MATN2: variants seen among roughly 807,000 people sequenced by gnomAD.
MATN2 encodes matrilin 2.
Under a neutral mutation model 103.2 loss-of-function variants are expected in MATN2, and 69 were observed. That is an observed-to-expected ratio of 0.67 (90% CI 0.55 to 0.82). The LOEUF (loss-of-function observed/expected upper bound fraction) is 0.82. Among genes scored for constraint, MATN2 ranks in the 40% least tolerant of loss-of-function variants. MATN2 has a pLI of 0.00. For missense variants in MATN2, 1,023 were observed against 1,211.5 expected, an observed-to-expected ratio of 0.84 and a Z score of 2.31; for synonymous variants, 429 against 450.2, an observed-to-expected ratio of 0.95 and a Z score of 0.60.
intron 2 of MATN2, among the ~76,000 whole-genome samples, chr8:97,912,858 C>T (rs1032828931): frequency 3.9e-5 from 6 of 152,168 alleles, no homozygotes; most frequent in African/African-American, 1.2e-4. Context: ...CTGAGGCTGA[C>T]GGAGCCACCA....
At chr8:97,952,600 A>G (rs1200361474) in intron 4 of MATN2, among the ~76,000 whole-genome samples, 2 of 51,708 alleles carry the variant, frequency 3.9e-5, no homozygotes, top group Non-Finnish European at 5.4e-5. Context: ...CTCTGGGGAA[A>G]CTGGTTGGGT....
chr8:97,979,453 G>A (rs111483606), intron 6 of MATN2, among the ~76,000 whole-genome samples: 91 of 152,292 alleles, frequency 6.0e-4, no homozygotes, highest in African/African-American at 2.2e-3. Context: ...AGTTTGCAAA[G>A]AACTGCTCAT....
At chr8:97,953,642 C>T (rs2444880) in intron 4 of MATN2, among the ~76,000 whole-genome samples, 80,044 of 151,934 alleles carry the variant, frequency 0.53, 21,594 homozygotes, top group East Asian at 0.77. Context: ...CAAAATTAGG[C>T]GGGCATGGTG....
At chr8:97,976,720 T>C (rs1296530108) in intron 5 of MATN2, among the ~76,000 whole-genome samples, 2 of 151,830 alleles carry the variant, frequency 1.3e-5, no homozygotes, top group African/African-American at 4.8e-5. Flanking sequence ...GTCTCCCAAG[T>C]AGCTGGGATT....
At chr8:97,900,222 T>TG (rs1220663731) in intron 2 of MATN2, among the ~76,000 whole-genome samples, 1 of 151,974 alleles carries the variant, frequency 6.6e-6, no homozygotes, top group East Asian at 1.9e-4. Context: ...GGGCTAGACA[T>TG]GGGGGAGGAG....
At chr8:98,000,332 C>T (rs1812736084) in intron 7 of MATN2, among the ~76,000 whole-genome samples, 1 of 151,776 alleles carries the variant, frequency 6.6e-6, no homozygotes, top group Admixed American at 6.6e-5. Context: ...GGTGCGGTGG[C>T]TCACGCCTAT....
intron 2 of MATN2, among the ~76,000 whole-genome samples, chr8:97,908,950 T>A (rs1819272590): frequency 6.6e-6 from 1 of 152,036 alleles, no homozygotes. Flanking sequence ...CGCCCCCTTT[T>A]TTTTTTGAGA....
intron 16 of MATN2, 63 bp from the exon 17 acceptor site, chr8:98,032,979 G>C: frequency 6.6e-7 from 1 of 1,515,084 alleles, no homozygotes; most frequent in South Asian, 1.3e-5. Flanking sequence ...TTACTCTGCT[G>C]ATGGCTGTTT....
At chr8:98,013,726 A>G (rs1235143150) in intron 10 of MATN2, among the ~76,000 whole-genome samples, 3 of 152,150 alleles carry the variant, frequency 2.0e-5, no homozygotes, top group African/African-American at 7.2e-5. Context: ...GCCTTTAAGT[A>G]TTCATACCCT....
At chr8:97,891,169 C>A (rs971030998) in intron 2 of MATN2, among the ~76,000 whole-genome samples, 4 of 152,062 alleles carry the variant, frequency 2.6e-5, no homozygotes, top group Non-Finnish European at 4.4e-5. Flanking sequence ...GTGGAAGAGA[C>A]AGGCATGTGA....
At chr8:97,891,016 C>T (rs555934650) in intron 2 of MATN2, among the ~76,000 whole-genome samples, 1 of 152,156 alleles carries the variant, frequency 6.6e-6, no homozygotes, top group East Asian at 1.9e-4. Context: ...GCTGTTCACT[C>T]GGCAGCCTGT....
chr8:98,034,856 C>A (rs1814178058), intron 18 of MATN2, among the ~76,000 whole-genome samples: 1 of 151,312 alleles, frequency 6.6e-6, no homozygotes, highest in African/African-American at 2.4e-5. Flanking sequence ...ATTCTGGCTC[C>A]TAGAAGTGTG....
chr8:97,896,036 T>C (rs1254947573), intron 2 of MATN2, among the ~76,000 whole-genome samples: 1 of 152,158 alleles, frequency 6.6e-6, no homozygotes. Context: ...GTGTAGACCA[T>C]AGAATGCCCT....
intron 3 of MATN2, among the ~76,000 whole-genome samples, chr8:97,933,405 CATTT>C (rs1156429987): frequency 1.3e-5 from 2 of 152,138 alleles, no homozygotes; most frequent in Non-Finnish European, 2.9e-5. Flanking sequence ...ACAGCTTATT[CATTT>C]GTGTTGGAAA....
intron 6 of MATN2, among the ~76,000 whole-genome samples, chr8:97,988,258 T>A (rs1812274165): frequency 6.8e-6 from 1 of 147,604 alleles, no homozygotes; most frequent in African/African-American, 2.6e-5. Flanking sequence ...TAAACAAGTT[T>A]ATGCCAATAA....
intron 1 of MATN2, among the ~76,000 whole-genome samples, chr8:97,877,333 C>T (rs778814872): frequency 6.6e-5 from 10 of 151,696 alleles, no homozygotes; most frequent in Non-Finnish European, 1.2e-4. Context: ...CAAAATTAGC[C>T]GGGCATGGTG....
chr8:97,942,003 C>T, intron 4 of MATN2, 104 bp downstream of exon 4: 1 of 1,389,722 alleles, frequency 7.2e-7, no homozygotes, highest in South Asian at 1.2e-5. Context: ...CTCACCCACC[C>T]CAGTTATCAT....
At chr8:97,937,700 T>C (rs775751895) in intron 3 of MATN2, among the ~76,000 whole-genome samples, 3 of 147,958 alleles carry the variant, frequency 2.0e-5, no homozygotes, top group Non-Finnish European at 4.4e-5. Flanking sequence ...GCAATTCTCC[T>C]GCCTCAGCCT....
chr8:97,973,557 T>C (rs957328919), intron 5 of MATN2, among the ~76,000 whole-genome samples: 2 of 148,548 alleles, frequency 1.3e-5, no homozygotes, highest in African/African-American at 5.0e-5. Flanking sequence ...GAAAAAAGTA[T>C]GATATTTACA....
Sources: gnomAD v4.1 joint callset for allele counts (sites outside exome capture counted in the v4.1 genomes callset) on GRCh38, gnomAD v4.1.1 for gene constraint, MANE v1.5 for transcripts, NCBI Gene and HGNC (gene_info 2026-07-23, HGNC 2026-07-21) for gene names.